The following GNAI1 variants were observed in gnomAD, a reference collection of about 807,000 sequenced individuals.
GNAI1 encodes the protein guanine nucleotide-binding protein G(i) subunit alpha-1.
Under a neutral mutation model 38.9 loss-of-function variants are expected in GNAI1, and 11 were observed. That is an observed-to-expected ratio of 0.28 (90% CI 0.18 to 0.47). The LOEUF is 0.47. Ranked by LOEUF, GNAI1 falls within the 20% of genes least tolerant of loss-of-function variation. The pLI is 0.99. For missense variants in GNAI1, 317 were observed against 436.9 expected, an observed-to-expected ratio of 0.73 and a Z score of 2.45; for synonymous variants, 166 against 145.1, an observed-to-expected ratio of 1.14 and a Z score of -1.04.
At chr7:80,177,443 C>T (rs1220645921) in intron 1 of GNAI1, among the ~76,000 whole-genome samples, 1 of 152,180 alleles carries the variant, frequency 6.6e-6, no homozygotes, top group Non-Finnish European at 1.5e-5. Context: ...CAATGCACCG[C>T]ATTATCCAAG....
chr7:80,134,883 C>T lies in GNAI1; in HGVS notation c.-278C>T, dbSNP rs569730677. ...GGCGCGGCCACCGGCGGGAGTGCAG[C>T]GGCCACTGTACCCAGAGATTCAAAA... On this transcript the variant is annotated 5_prime_UTR_variant, in exon 1 of 8. Transcript: ENST00000649796. 3.7e-4 allele frequency: 102 copies of T among 278,592 alleles called. 1 individual carries two copies. The highest frequency in any genetic ancestry group is 2.1e-3 in the African/African-American group (93 of 45,304). 17.3% of individuals were successfully genotyped at this position (278,592 alleles called of 1,614,324 possible). A position where few individuals can be genotyped will look rare whatever the true frequency, so the allele number is the denominator to read the frequency against.
intron 7 of GNAI1, 66 bp from the exon 8 acceptor site, chr7:80,217,237 A>ACTTCAGTTTCATATGTATGTAACTGT: frequency 9.6e-7 from 1 of 1,037,958 alleles, no homozygotes; most frequent in Non-Finnish European, 1.4e-6. Flanking sequence ...TATGAAACTG[A>ACTTCAGTTTCATATGTATGTAACTGT]ATTCAGTATT....
chr7:80,215,866 G>T (rs1270116925), intron 7 of GNAI1, among the ~76,000 whole-genome samples: 16 of 152,146 alleles, frequency 1.1e-4, no homozygotes, highest in Non-Finnish European at 2.2e-4. Flanking sequence ...ATCTCAGCCG[G>T]TGAAGTAGAA....
intron 5 of GNAI1, among the ~76,000 whole-genome samples, chr7:80,206,095 T>G (rs1297346704): frequency 6.6e-6 from 1 of 152,140 alleles, no homozygotes; most frequent in Non-Finnish European, 1.5e-5. Context: ...ATACTTCTGA[T>G]TGCTTCCATA....
chr7:80,189,770 T>G (rs1194183858), intron 3 of GNAI1, among the ~76,000 whole-genome samples: 1 of 152,166 alleles, frequency 6.6e-6, no homozygotes, highest in Non-Finnish European at 1.5e-5. Context: ...CTAGTTTCAA[T>G]TCTTTATTTT....
At chr7:80,194,380 G>T (rs2115652164) in intron 3 of GNAI1, among the ~76,000 whole-genome samples, 1 of 152,092 alleles carries the variant, frequency 6.6e-6, no homozygotes, top group South Asian at 2.1e-4. Context: ...TTAACTCTTT[G>T]TCCATTAATA....
At chr7:80,176,917 A>C (rs1042461944) in intron 1 of GNAI1, among the ~76,000 whole-genome samples, 3 of 135,914 alleles carry the variant, frequency 2.2e-5, no homozygotes, top group African/African-American at 8.5e-5. Flanking sequence ...AGCCTGGGCG[A>C]CAAGGGGAGA....
In GNAI1 at chr7:80,144,013, A is replaced by G. The variant is rs183582693; in HGVS notation, c.118+8735A>G. 2.6e-3 allele frequency among the ~76,000 whole-genome samples: 399 copies of G among 152,136 alleles called. 6 individuals are homozygous for G. The highest frequency in any genetic ancestry group is 9.2e-3 in the African/African-American group (380 of 41,498). ...AAGAAGTATAAATTCAGTTTTAAAC[A>G]TTAGTTTCTAATCCCACCGTAACTT... On this transcript the variant is annotated intron_variant, in intron 1 of 7. Transcript: ENST00000649796.
At chr7:80,211,983 A>T (rs1017667719) in intron 6 of GNAI1, among the ~76,000 whole-genome samples, 2 of 152,180 alleles carry the variant, frequency 1.3e-5, no homozygotes, top group Non-Finnish European at 2.9e-5. Context: ...AAACCTGAGT[A>T]TACAGAAAGC....
chr7:80,163,966 CT>C (rs1313381597), intron 1 of GNAI1, among the ~76,000 whole-genome samples: 818 of 75,006 alleles, frequency 0.011, 7 homozygotes, highest in African/African-American at 0.035. Context: ...CTGGTGCTTT[CT>C]TTTTTTTTTT....
chr7:80,200,742 C>A (rs1327415233), intron 4 of GNAI1, among the ~76,000 whole-genome samples: 1 of 151,840 alleles, frequency 6.6e-6, no homozygotes, highest in Non-Finnish European at 1.5e-5. Flanking sequence ...CCCTGTATTT[C>A]ATAATCTATA....
At chr7:80,153,618 A>G (rs1787765823) in intron 1 of GNAI1, among the ~76,000 whole-genome samples, 1 of 152,126 alleles carries the variant, frequency 6.6e-6, no homozygotes, top group South Asian at 2.1e-4. Context: ...TGTTTTGAGG[A>G]CTTGTATTAA....
At chr7:80,213,599 G>A (rs759137657) in intron 7 of GNAI1, among the ~76,000 whole-genome samples, 10 of 152,238 alleles carry the variant, frequency 6.6e-5, no homozygotes, top group Non-Finnish European at 1.2e-4. Flanking sequence ...TGCTGTTGAA[G>A]GCGGAAATGG....
chr7:80,172,554 TC>T, intron 1 of GNAI1, among the ~76,000 whole-genome samples: 1 of 152,314 alleles, frequency 6.6e-6, no homozygotes, highest in Admixed American at 6.5e-5. Flanking sequence ...ACCTTTTTTT[TC>T]TTGAAGTATT....
chr7:80,171,996 T>G (rs969365240), intron 1 of GNAI1, among the ~76,000 whole-genome samples: 1 of 152,212 alleles, frequency 6.6e-6, no homozygotes, highest in East Asian at 1.9e-4. Flanking sequence ...GTACTTGTAC[T>G]TTTAGGATTA....
chr7:80,167,884 A>G (rs2116147410), intron 1 of GNAI1, among the ~76,000 whole-genome samples: 1 of 152,348 alleles, frequency 6.6e-6, no homozygotes, highest in Non-Finnish European at 1.5e-5. Flanking sequence ...GTTTATGTGG[A>G]AAATTGAATT....
chr7:80,134,918 C>T lies in GNAI1; in HGVS notation c.-243C>T. ...ACCCAGAGATTCAAAACCCCAAACCCGGGACTTGGGGGCGCTGAGCCGGGC... is the reference window on the plus strand; with the variant it reads ...ACCCAGAGATTCAAAACCCCAAACCTGGGACTTGGGGGCGCTGAGCCGGGC... On this transcript the variant is annotated 5_prime_UTR_variant, in exon 1 of 8. Coordinates refer to ENST00000649796, the MANE Select transcript of GNAI1 (RefSeq NM_002069.6). 1 of 365,736 alleles carries T rather than the reference C, an allele frequency of 2.7e-6. No individual in the cohort carries two copies. The allele number at this position is 365,736 out of a possible 1,614,324, so 22.7% of individuals were successfully genotyped here.
At chr7:80,140,284 G>A (rs995372658) in intron 1 of GNAI1, among the ~76,000 whole-genome samples, 3 of 152,076 alleles carry the variant, frequency 2.0e-5, no homozygotes, top group Non-Finnish European at 4.4e-5. Context: ...GCACCCTTTG[G>A]CCCCAATTTC....
rs1789149879 is a variant in GNAI1, at chr7:80,225,862, AC to A, written c.*8372del. On this transcript the variant is annotated 3_prime_UTR_variant, in exon 8 of 8. Coordinates refer to ENST00000649796, the MANE Select transcript of GNAI1 (RefSeq NM_002069.6). ...TTAGATTTATGTGCAGATTTTAGCT[AC>A]CCTTGTCCTTGGAATGTGTATGCAC... Among the ~76,000 whole-genome samples the A allele has an allele frequency of 1.3e-5, 2 of 152,184 alleles. No homozygotes were observed. Among genetic ancestry groups the A allele is most frequent in the Non-Finnish European group, 1.5e-5 (1 of 68,026 alleles).
Sources: gnomAD v4.1 joint callset for allele counts (sites outside exome capture counted in the v4.1 genomes callset) on GRCh38, gnomAD v4.1.1 for gene constraint, MANE v1.5 for transcripts, NCBI Gene and HGNC (gene_info 2026-07-23, HGNC 2026-07-21) for gene names.